Variants in PCDH11X observed in about 807,000 individuals in gnomAD.
PCDH11X encodes protocadherin-11 X-linked.
Under a neutral mutation model 53.3 loss-of-function variants are expected in PCDH11X, and 18 were observed. That is an observed-to-expected ratio of 0.34 (90% confidence interval 0.23 to 0.50). The LOEUF (loss-of-function observed/expected upper bound fraction) is 0.50. PCDH11X is among the 20% of genes least tolerant of loss of function. The pLI, the probability that PCDH11X is intolerant of heterozygous loss-of-function variation, is 0.98. For missense variants in PCDH11X, 570 were observed against 1,032.4 expected (o/e 0.55, Z 6.14); for synonymous variants, 279 against 393.3 (o/e 0.71, Z 3.44).
intron 6 of PCDH11X, among the ~76,000 whole-genome samples, chrX:92,143,783 C>T (rs2065227362): frequency 9.0e-6 from 1 of 111,631 alleles, no homozygotes; most frequent in Admixed American, 9.5e-5. Context: ...CACTGTCCTC[C>T]AGACTCCAGA....
chrX:92,352,506 A>G (rs759753644), intron 8 of PCDH11X, among the ~76,000 whole-genome samples: 2 of 111,101 alleles, frequency 1.8e-5, no homozygotes, highest in Admixed American at 9.6e-5. Flanking sequence ...ATTTCTTCTT[A>G]GTTTGGATCT....
chrX:91,934,577 C>T (rs2061423502), intron 6 of PCDH11X, among the ~76,000 whole-genome samples: 1 of 108,881 alleles, frequency 9.2e-6, no homozygotes, highest in South Asian at 4.0e-4. Context: ...CTTTAGGATA[C>T]TCTAAAACTG....
intron 8 of PCDH11X, among the ~76,000 whole-genome samples, chrX:92,383,775 G>A (rs901645731): frequency 5.4e-5 from 6 of 111,646 alleles, no homozygotes; most frequent in Admixed American, 1.9e-4. Context: ...GAACAGTGCC[G>A]CAATAAACAT....
At chrX:91,984,827 T>G (rs1258590130) in intron 6 of PCDH11X, among the ~76,000 whole-genome samples, 1 of 111,643 alleles carries the variant, frequency 9.0e-6, no homozygotes, top group Non-Finnish European at 1.9e-5. Context: ...ATCCAACATA[T>G]GTATGCTTCT....
Position 92,254,751 on chromosome X carries a change from GA to G in PCDH11X, c.3115-8361del, listed in dbSNP as rs976065607. ...CTGGGTTGAAAATTCTTTTCTTTAA[GA>G]ATGTTGAATATTGGCCCCCACTCTC... On this transcript the variant is annotated intron_variant, in intron 7 of 10. Coordinates refer to ENST00000682573, the MANE Select transcript of PCDH11X (RefSeq NM_032968.5). Among the ~76,000 whole-genome samples the G allele has an allele frequency of 4.6e-5, 5 of 108,827 alleles. No individual in the cohort carries two copies. The Admixed American group carries it at 5.0e-4, about 11-fold the overall frequency. The allele number at this position is 108,827 out of a possible 115,157, so 94.5% of individuals were successfully genotyped here. A position where few individuals can be genotyped will look rare whatever the true frequency, so the allele number is the denominator to read the frequency against.
At chrX:91,933,718 G>A (rs921082028) in intron 6 of PCDH11X, among the ~76,000 whole-genome samples, 2 of 111,296 alleles carry the variant, frequency 1.8e-5, no homozygotes, top group African/African-American at 6.5e-5. Flanking sequence ...TAGGTAGTAA[G>A]CAGTTATTCC....
At chrX:92,480,569 A>C (rs1470271649) in intron 10 of PCDH11X, among the ~76,000 whole-genome samples, 1 of 109,709 alleles carries the variant, frequency 9.1e-6, no homozygotes, top group African/African-American at 3.3e-5. Context: ...GTTGTGGTAC[A>C]AGCTTGGTTC....
chrX:91,968,791 C>A (rs1177623298), intron 6 of PCDH11X, among the ~76,000 whole-genome samples: 1 of 111,243 alleles, frequency 9.0e-6, no homozygotes, highest in African/African-American at 3.3e-5. Context: ...TGATTTATAA[C>A]ACCATATTGT....
intron 1 of PCDH11X, among the ~76,000 whole-genome samples, chrX:91,785,217 C>T (rs901428884): frequency 2.0e-5 from 2 of 100,703 alleles, no homozygotes; most frequent in African/African-American, 7.4e-5. Flanking sequence ...CTCCTCCCCC[C>T]CTCCTCCTTT....
intron 7 of PCDH11X, among the ~76,000 whole-genome samples, chrX:92,240,327 C>T (rs1289096163): frequency 1.8e-5 from 2 of 112,059 alleles, no homozygotes; most frequent in Admixed American, 9.5e-5. Context: ...AGGCAGCACA[C>T]GACATGGATA....
At chrX:91,869,485 G>A (rs918414410) in intron 5 of PCDH11X, among the ~76,000 whole-genome samples, 1 of 111,350 alleles carries the variant, frequency 9.0e-6, no homozygotes, top group African/African-American at 3.3e-5. Flanking sequence ...TTTCATAAGA[G>A]GAGAAGTAAG....
intron 9 of PCDH11X, among the ~76,000 whole-genome samples, chrX:92,392,229 A>T (rs1196505090): frequency 4.5e-5 from 5 of 111,374 alleles, no homozygotes; most frequent in African/African-American, 1.6e-4. Flanking sequence ...GATACAAAAG[A>T]AGAAAATATA....
chrX:92,221,273 T>TAGACA (rs2066869723), intron 7 of PCDH11X, among the ~76,000 whole-genome samples: 1 of 57,068 alleles, frequency 1.8e-5, no homozygotes, highest in Non-Finnish European at 3.3e-5. Context: ...GAAAACATTG[T>TAGACA]ATACAACACA....
chrX:91,906,332 T>C (rs758483433), intron 6 of PCDH11X, among the ~76,000 whole-genome samples: 198 of 110,406 alleles, frequency 1.8e-3, no homozygotes, highest in African/African-American at 6.3e-3. Flanking sequence ...TAATTTAGAG[T>C]ACAGAAGACT....
At chrX:92,545,995 C>T (rs1405942817) in intron 10 of PCDH11X, among the ~76,000 whole-genome samples, 23 of 104,535 alleles carry the variant, frequency 2.2e-4, no homozygotes, top group Non-Finnish European at 4.1e-4. Flanking sequence ...TGTGTGTCTA[C>T]GCCTTTTATT....
chrX:91,960,210 A>G (rs1202882099), intron 6 of PCDH11X, among the ~76,000 whole-genome samples: 1 of 102,960 alleles, frequency 9.7e-6, no homozygotes, highest in African/African-American at 3.6e-5. Flanking sequence ...ATTTTCTTTC[A>G]TTCTTTAGGT....
chrX:92,580,007 C>T (rs1602377226), intron 10 of PCDH11X, among the ~76,000 whole-genome samples: 5 of 106,601 alleles, frequency 4.7e-5, no homozygotes, highest in East Asian at 2.9e-4. Context: ...AGGGCTGTTG[C>T]GATTGCTGGG....
chrX:91,868,239 G>A (rs1481732471), intron 5 of PCDH11X, among the ~76,000 whole-genome samples: 1 of 111,854 alleles, frequency 8.9e-6, no homozygotes, highest in South Asian at 3.7e-4. Context: ...CAAAAGATAC[G>A]AACTATTCTT....
chrX:92,004,214 C>A (rs1410451421), intron 6 of PCDH11X, among the ~76,000 whole-genome samples: 1 of 111,750 alleles, frequency 8.9e-6, no homozygotes, highest in Non-Finnish European at 1.9e-5. Context: ...TTATTTATTT[C>A]TAGTTGTATT....
Sources: gnomAD v4.1 joint callset for allele counts (sites outside exome capture counted in the v4.1 genomes callset) on GRCh38, gnomAD v4.1.1 for gene constraint, MANE v1.5 for transcripts, NCBI Gene and HGNC (gene_info 2026-07-23, HGNC 2026-07-21) for gene names.